Variants in GALNTL6 observed in about 807,000 individuals in gnomAD.
The protein encoded by GALNTL6 is polypeptide N-acetylgalactosaminyltransferase-like 6.
A neutral mutation model predicts 73.7 loss-of-function variants in GALNTL6; 46 were observed. The ratio of observed to expected loss-of-function variants is 0.62; its 90% confidence interval spans 0.49 to 0.80. The LOEUF (loss-of-function observed/expected upper bound fraction) is 0.80. Among genes scored for constraint, GALNTL6 ranks in the 30% least tolerant of loss-of-function variants. The pLI is 0.00. For missense variants in GALNTL6, 604 were observed against 755.0 expected (o/e 0.80, Z 2.34); for synonymous variants, 259 against 263.7 (o/e 0.98, Z 0.17).
chr4:171,914,352 C>A (rs1286275137), intron 2 of GALNTL6, among the ~76,000 whole-genome samples: 1 of 147,330 alleles, frequency 6.8e-6, no homozygotes, highest in African/African-American at 2.5e-5. Context: ...AAAGGAAAAA[C>A]AAAACCAACT....
intron 5 of GALNTL6, among the ~76,000 whole-genome samples, chr4:172,350,210 T>G (rs1010318014): frequency 6.6e-6 from 1 of 152,178 alleles, no homozygotes; most frequent in Non-Finnish European, 1.5e-5. Context: ...TTTGATTATC[T>G]TGGTAAACTA....
chr4:172,458,963 A>C (rs1366097399), intron 5 of GALNTL6, among the ~76,000 whole-genome samples: 2 of 152,232 alleles, frequency 1.3e-5, no homozygotes, highest in African/African-American at 4.8e-5. Context: ...GAAAATCCTC[A>C]ATAAAATACT....
At chr4:172,978,158 A>T (rs1410594889) in intron 10 of GALNTL6, among the ~76,000 whole-genome samples, 1 of 152,204 alleles carries the variant, frequency 6.6e-6, no homozygotes, top group Non-Finnish European at 1.5e-5. Context: ...GCAAAGGGTC[A>T]GTCTGAGAAT....
intron 5 of GALNTL6, among the ~76,000 whole-genome samples, chr4:172,627,985 G>A (rs181762583): frequency 3.3e-5 from 5 of 151,468 alleles, no homozygotes; most frequent in Non-Finnish European, 7.4e-5. Flanking sequence ...TATGGATTTC[G>A]GGGTCTCAAT....
intron 2 of GALNTL6, among the ~76,000 whole-genome samples, chr4:171,832,817 C>G (rs767171169): frequency 1.4e-4 from 21 of 151,662 alleles, no homozygotes; most frequent in Non-Finnish European, 2.4e-4. Context: ...TAGGTCTACA[C>G]TAGCTGGTGG....
At chr4:172,907,709 T>C (rs769566326) in intron 8 of GALNTL6, among the ~76,000 whole-genome samples, 1 of 152,208 alleles carries the variant, frequency 6.6e-6, no homozygotes, top group Non-Finnish European at 1.5e-5. Context: ...GCCTTTCCCA[T>C]CCTAACTAAG....
rs1405702990 is a variant in GALNTL6 at position 172,307,916 on chromosome 4, TG to T, written c.248-3697del. On this transcript the variant is annotated intron_variant, in intron 3 of 12. Transcript: ENST00000506823. ...AGAATTATAGTATTTTGATTGGAAT[TG>T]CATTAAATGTATAGATTGCTTTTGG... Among the ~76,000 whole-genome samples the T allele has an allele frequency of 5.3e-5, 8 of 151,568 alleles. No individual in the cohort carries two copies. In the East Asian group the frequency reaches 1.6e-3, roughly 29 times the overall value.
Position 172,487,424 on chromosome 4 carries a change from C to T in GALNTL6, c.553+138735C>T, listed in dbSNP as rs562751431. Among the ~76,000 whole-genome samples, 251 of 149,198 alleles carry T rather than the reference C, an allele frequency of 1.7e-3. 2 individuals carry two copies. Among genetic ancestry groups the T allele is most frequent in the Non-Finnish European group, 2.7e-3 (178 of 67,140 alleles). The stretch of plus-strand genomic sequence containing the variant: ...CTTTTTCTTTCTTGTCTCACTCTGT[C>T]GCCCAGGCTGGAGTACAGTGGTGTG... On this transcript the variant is annotated intron_variant, in intron 5 of 12. Coordinates refer to ENST00000506823, the MANE Select transcript of GALNTL6 (RefSeq NM_001034845.3).
chr4:172,230,863 G>T (rs1338146249), intron 3 of GALNTL6, among the ~76,000 whole-genome samples: 1 of 152,144 alleles, frequency 6.6e-6, no homozygotes, highest in Non-Finnish European at 1.5e-5. Context: ...CTTAGCCAGG[G>T]TGTGAGGTCC....
At chr4:171,986,821 G>A (rs142828929) in intron 2 of GALNTL6, among the ~76,000 whole-genome samples, 12,704 of 152,190 alleles carry the variant, frequency 0.083, 693 homozygotes, top group African/African-American at 0.15. Flanking sequence ...TGATTAGAGA[G>A]TGCCTAAGGA....
intron 2 of GALNTL6, among the ~76,000 whole-genome samples, chr4:171,998,312 G>T (rs926282633): frequency 1.3e-5 from 2 of 152,058 alleles, no homozygotes; most frequent in Non-Finnish European, 2.9e-5. Flanking sequence ...GACTGTGGAG[G>T]TCTAATGAGT....
intron 2 of GALNTL6, among the ~76,000 whole-genome samples, chr4:171,848,189 C>T (rs1177315234): frequency 6.6e-6 from 1 of 152,188 alleles, no homozygotes; most frequent in Non-Finnish European, 1.5e-5. Context: ...TGACCAGGTG[C>T]ATTGTCAGTG....
intron 8 of GALNTL6, among the ~76,000 whole-genome samples, chr4:172,911,984 A>G (rs1747226319): frequency 1.3e-5 from 2 of 152,150 alleles, no homozygotes; most frequent in Non-Finnish European, 2.9e-5. Flanking sequence ...ATTTTTTTCC[A>G]AAGTTTTCTA....
chr4:172,873,375 C>T (rs1745040756), intron 7 of GALNTL6, among the ~76,000 whole-genome samples: 1 of 152,286 alleles, frequency 6.6e-6, no homozygotes, highest in South Asian at 2.1e-4. Context: ...TCAAATGTTC[C>T]AACAAACAAG....
chr4:172,220,886 A>G (rs1330813101), intron 2 of GALNTL6, among the ~76,000 whole-genome samples: 2 of 151,990 alleles, frequency 1.3e-5, no homozygotes, highest in African/African-American at 2.4e-5. Context: ...GGCTGATGCA[A>G]TAATGATTTG....
chr4:172,691,785 G>A (rs1258682405), intron 5 of GALNTL6, among the ~76,000 whole-genome samples: 1 of 152,194 alleles, frequency 6.6e-6, no homozygotes. Context: ...TACTGTGATA[G>A]TCTCTCATAC....
At chr4:172,915,241 T>C (rs1368498731) in intron 8 of GALNTL6, among the ~76,000 whole-genome samples, 4 of 152,102 alleles carry the variant, frequency 2.6e-5, no homozygotes, top group Non-Finnish European at 5.9e-5. Flanking sequence ...CTGGCACACA[T>C]TTAAAGCACT....
chr4:172,427,860 G>A (rs1731288775), intron 5 of GALNTL6, among the ~76,000 whole-genome samples: 1 of 152,138 alleles, frequency 6.6e-6, no homozygotes, highest in African/African-American at 2.4e-5. Flanking sequence ...TTTGAGAAAA[G>A]GAAGGACATA....
intron 3 of GALNTL6, among the ~76,000 whole-genome samples, chr4:172,271,283 T>G (rs1318744588): frequency 1.3e-5 from 2 of 152,148 alleles, no homozygotes; most frequent in Non-Finnish European, 2.9e-5. Context: ...TGATTAAATG[T>G]ATTAACTGCT....
Sources: gnomAD v4.1 joint callset for allele counts (sites outside exome capture counted in the v4.1 genomes callset) on GRCh38, gnomAD v4.1.1 for gene constraint, MANE v1.5 for transcripts, NCBI Gene and HGNC (gene_info 2026-07-23, HGNC 2026-07-21) for gene names.